DST: variants seen among roughly 807,000 people sequenced by gnomAD.
DST encodes dystonin.
DST carries 253 observed loss-of-function variants against 875.2 expected under a neutral mutation model. That is an observed-to-expected ratio of 0.29 (90% CI 0.26 to 0.32). The LOEUF is 0.32. DST is among the 10% of genes least tolerant of loss of function. The pLI is 1.00. For synonymous variants in DST, 3,124 were observed against 3,197.1 expected (o/e 0.98, Z 0.77); for missense variants, 8,287 against 9,111.6 (o/e 0.91, Z 3.68).
intron 4 of DST, among the ~76,000 whole-genome samples, chr6:56,774,113 CAAAAAAAA>C (rs59394529): frequency 9.2e-5 from 7 of 76,172 alleles, no homozygotes; most frequent in African/African-American, 3.1e-4. Flanking sequence ...GATTCTGTCT[CAAAAAAAA>C]AAAAAAAAAA....
rs572479486 is a variant in DST, at chr6:56,655,265, A to G, written c.1215-4021T>C. On this transcript the variant is annotated intron_variant, in intron 10 of 103. Coordinates refer to ENST00000680361, the MANE Select transcript of DST (RefSeq NM_001374736.1). ...CACTCAACTGCAAGGAGCATGAAAC[A>G]ACATCAAAGTACTTGGAAAGGAAGT... is the stretch of plus-strand genomic sequence containing the variant. Among the ~76,000 whole-genome samples the G allele has an allele frequency of 2.0e-5, 3 of 152,268 alleles. No homozygotes were observed. The East Asian group carries it at 5.8e-4, about 29-fold the overall frequency.
intron 5 of DST, among the ~76,000 whole-genome samples, chr6:56,712,040 G>C (rs1042478499): frequency 2.1e-5 from 3 of 142,148 alleles, no homozygotes; most frequent in Admixed American, 1.4e-4. Context: ...GCAGTGAGCC[G>C]AGATCCCGCC....
intron 69 of DST, among the ~76,000 whole-genome samples, chr6:56,521,273 C>T (rs4530861): frequency 6.6e-6 from 1 of 151,812 alleles, no homozygotes; most frequent in Non-Finnish European, 1.5e-5. Context: ...TCAGGCCTTT[C>T]TACCTGAGTG....
chr6:56,651,257 T>G lies in DST; in HGVS notation c.1215-13A>C, dbSNP rs772695306. 1.3e-6 allele frequency: 2 copies of G among 1,543,954 alleles called. No homozygotes were observed. The highest frequency in any genetic ancestry group is 3.7e-5 in the Admixed American group (2 of 53,818). ...TATCAGGTCCGGCCTAGGAAAAAATTCACTGTGTTAATTAGGTTTTCTCAT... is the reference window on the plus strand; with the variant it reads ...TATCAGGTCCGGCCTAGGAAAAAATGCACTGTGTTAATTAGGTTTTCTCAT... On this transcript the variant is annotated splice_polypyrimidine_tract_variant and intron_variant, in intron 10 of 103. Coordinates refer to ENST00000680361, the MANE Select transcript of DST (RefSeq NM_001374736.1).
At chr6:56,733,869 T>A (rs1033197510) in intron 5 of DST, among the ~76,000 whole-genome samples, 1 of 151,296 alleles carries the variant, frequency 6.6e-6, no homozygotes, top group Non-Finnish European at 1.5e-5. Context: ...ACAACAAGGG[T>A]GAAAAAAACA....
At chr6:56,661,996 TC>T (rs2099045526) in intron 10 of DST, among the ~76,000 whole-genome samples, 1 of 152,084 alleles carries the variant, frequency 6.6e-6, no homozygotes, top group African/African-American at 2.4e-5. Context: ...AGCTTGCACA[TC>T]AAACTGAGTG....
At chr6:56,924,099 G>A (rs115950744) in intron 2 of DST, among the ~76,000 whole-genome samples, 1,723 of 152,196 alleles carry the variant, frequency 0.011, 24 homozygotes, top group Non-Finnish European at 0.019. Flanking sequence ...TCTCCAGCCC[G>A]GGCGATAGAG....
intron 101 of DST, 131 bp downstream of exon 101, chr6:56,463,434 C>T (rs1582018389): frequency 2.2e-6 from 2 of 919,768 alleles, no homozygotes; most frequent in Middle Eastern, 3.4e-4. Flanking sequence ...CTGTATTTCC[C>T]ACAGTATGAG....
chr6:56,921,918 T>C (rs996016239), intron 2 of DST, among the ~76,000 whole-genome samples: 8 of 152,212 alleles, frequency 5.3e-5, no homozygotes, highest in Admixed American at 1.3e-4. Flanking sequence ...AAAAAGGTTC[T>C]AGGCACAAAG....
chr6:56,782,273 G>C (rs1309050630), intron 4 of DST, among the ~76,000 whole-genome samples: 3 of 152,134 alleles, frequency 2.0e-5, no homozygotes, highest in Non-Finnish European at 4.4e-5. Context: ...TTTTTCTATT[G>C]ATTGGACTAG....
chr6:56,893,466 G>A lies in DST; in HGVS notation c.417+6955C>T, dbSNP rs117907808. Among the ~76,000 whole-genome samples, 400 of 148,978 alleles carry A rather than the reference G, an allele frequency of 2.7e-3. 4 individuals carry two copies. In the East Asian group the frequency reaches 0.041, roughly 15 times the overall value. ...GTGAATTGTACTGCTATAAACACAC[G>A]TGTACAAGTATATTTTTCATATAAT... On this transcript the variant is annotated intron_variant, in intron 3 of 103. Transcript: ENST00000680361.
chr6:56,526,304 G>A (rs1329634747), intron 69 of DST, 57 bp downstream of exon 69: 11 of 1,538,736 alleles, frequency 7.1e-6, no homozygotes, highest in Non-Finnish European at 9.8e-6. Context: ...TCAGGTAAAA[G>A]CTCCAAGAAC....
At chr6:56,540,012 G>A (rs927500746) in intron 61 of DST, among the ~76,000 whole-genome samples, 1 of 152,130 alleles carries the variant, frequency 6.6e-6, no homozygotes, top group Non-Finnish European at 1.5e-5. Context: ...TCTAAATGAA[G>A]GGGAATGGCC....
chr6:56,941,106 C>A (rs1816306085), intron 2 of DST, among the ~76,000 whole-genome samples: 1 of 152,124 alleles, frequency 6.6e-6, no homozygotes, highest in Admixed American at 6.5e-5. Context: ...CCCCCAACAC[C>A]CTCTCCAACT....
chr6:56,555,199 G>T, intron 60 of DST, 146 bp downstream of exon 60: 1 of 836,878 alleles, frequency 1.2e-6, no homozygotes, highest in Non-Finnish European at 1.8e-6. Context: ...TGCTCTCTGA[G>T]CTCCTGTATT....
chr6:56,624,567 A>C lies in DST; in HGVS notation c.4892T>G (p.Phe1631Cys). ...CAGCCTCTTCAATGAATCACCAGCAAATTTAATATATTGTGTCATGAGAGT... is the reference window on the plus strand; with the variant it reads ...CAGCCTCTTCAATGAATCACCAGCACATTTAATATATTGTGTCATGAGAGT... ...LVTLMTQYIK[F>C]AGDSLKRLEE... Residue 1631 changes from phenylalanine (F) to cysteine (C), a missense_variant, in exon 36 of 104, where the codon TTT becomes TGT. Physicochemically the swap from Phe to Cys is radical, Grantham distance 205. Coordinates refer to ENST00000680361, the MANE Select transcript of DST (RefSeq NM_001374736.1). 6.2e-7 allele frequency: 1 copy of C among 1,613,474 alleles called. No homozygotes were observed. The highest frequency in any genetic ancestry group is 8.5e-7 in the Non-Finnish European group (1 of 1,179,706).
At chr6:56,640,690 G>A in intron 17 of DST, 85 bp from the exon 18 acceptor site, 1 of 1,082,844 alleles carries the variant, frequency 9.2e-7, no homozygotes, top group Admixed American at 1.8e-5. Flanking sequence ...ATAGGTTTTA[G>A]TTAATAATGA....
At chr6:56,817,264 A>G (rs1167402821) in intron 4 of DST, among the ~76,000 whole-genome samples, 1 of 152,210 alleles carries the variant, frequency 6.6e-6, no homozygotes, top group Non-Finnish European at 1.5e-5. Flanking sequence ...TAATTTTCTT[A>G]AATGAACAAG....
At chr6:56,557,581 G>A (rs2097447488) in intron 58 of DST, 63 bp from the exon 59 acceptor site, 1 of 1,242,688 alleles carries the variant, frequency 8.0e-7, no homozygotes, top group Non-Finnish European at 1.1e-6. Context: ...CTATGTCTAT[G>A]AGGACTGTAT....
Sources: gnomAD v4.1 joint callset for allele counts (sites outside exome capture counted in the v4.1 genomes callset) on GRCh38, gnomAD v4.1.1 for gene constraint, MANE v1.5 for transcripts, NCBI Gene and HGNC (gene_info 2026-07-23, HGNC 2026-07-21) for gene names.